Variants in UGT1A8 observed in about 807,000 individuals in gnomAD.
The protein encoded by UGT1A8 is UDP-glucuronosyltransferase 1A8.
Under a neutral mutation model 45.3 loss-of-function variants are expected in UGT1A8, and 39 were observed. That is an observed-to-expected ratio of 0.86 (90% CI 0.67 to 1.12). UGT1A8 has a LOEUF of 1.12. Ranked by LOEUF, UGT1A8 falls within the 50% of genes most tolerant of loss-of-function variation. The pLI, the probability that UGT1A8 is intolerant of heterozygous loss-of-function variation, is 0.00. For synonymous variants in UGT1A8, 275 were observed against 249.2 expected (o/e 1.10, Z -0.97); for missense variants, 719 against 664.9 (o/e 1.08, Z -0.90).
chr2:233,706,094 T>TAA lies in UGT1A8; in HGVS notation c.856-60932_856-60931dup, dbSNP rs141668784. On this transcript the variant is annotated intron_variant, in intron 1 of 4. Coordinates refer to ENST00000373450, the MANE Select transcript of UGT1A8 (RefSeq NM_019076.5). ...TGGGTGACAGAGCTAGATTCTGTCT[T>TAA]AAAAAAAAACCAAGAATTTCAGGAC... 1.5e-3 allele frequency among the ~76,000 whole-genome samples: 224 copies of TAA among 151,442 alleles called. 7 individuals carry two copies. The East Asian group carries it at 0.032, about 21-fold the overall frequency.
rs1394358402 is a variant in UGT1A8 at position 233,747,887 on chromosome 2, T to C, written c.856-19147T>C. The C allele has an allele frequency of 1.2e-5, 19 of 1,613,492 alleles. No homozygotes were observed. The South Asian group carries it at 2.0e-4, about 17-fold the overall frequency. ...CTCTGGCCCTGTCCTACCTTTGCCA[T>C]GCTCTTTCTGCTCCTTATGCAAGCC... On this transcript the variant is annotated intron_variant, in intron 1 of 4. Transcript: ENST00000373450.
chr2:233,637,667 C>G (rs181922328), intron 1 of UGT1A8, among the ~76,000 whole-genome samples: 1 of 152,024 alleles, frequency 6.6e-6, no homozygotes. Flanking sequence ...ATGAAACTTC[C>G]GTTTTTTGTT....
intron 1 of UGT1A8, among the ~76,000 whole-genome samples, chr2:233,763,888 CT>C (rs1451970704): frequency 2.0e-5 from 3 of 152,126 alleles, no homozygotes; most frequent in Non-Finnish European, 1.5e-5. Flanking sequence ...AGAAAAATAA[CT>C]AAACAGAAGA....
intron 1 of UGT1A8, among the ~76,000 whole-genome samples, chr2:233,724,775 C>T (rs2077310067): frequency 7.0e-6 from 1 of 142,494 alleles, no homozygotes; most frequent in Non-Finnish European, 1.5e-5. Context: ...GGCAGAGACA[C>T]TCCTCACTTC....
At chr2:233,763,011 T>G (rs1346748254) in intron 1 of UGT1A8, among the ~76,000 whole-genome samples, 2 of 152,248 alleles carry the variant, frequency 1.3e-5, no homozygotes, top group Non-Finnish European at 2.9e-5. Flanking sequence ...TTTCATTATT[T>G]TGCATTATGT....
rs28899178 is a variant in UGT1A8, at chr2:233,702,144, C to G, written c.856-64890C>G. Among the ~76,000 whole-genome samples the G allele has an allele frequency of 8.7e-3, 1,324 of 152,238 alleles. 29 individuals carry two copies. Among genetic ancestry groups the G allele is most frequent in the African/African-American group, 0.03 (1,235 of 41,546 alleles). On this transcript the variant is annotated intron_variant, in intron 1 of 4. Transcript: ENST00000373450. ...ACATTTTCAGTCACTCCCAAAGATACCTTATATCTATTATCAGTCACTCTT... is the reference window on the plus strand; with the variant it reads ...ACATTTTCAGTCACTCCCAAAGATAGCTTATATCTATTATCAGTCACTCTT...
At chr2:233,729,900 A>G in intron 1 of UGT1A8, 1 of 1,613,884 alleles carries the variant, frequency 6.2e-7, no homozygotes, top group Non-Finnish European at 8.5e-7. Flanking sequence ...GGCTGTTCCG[A>G]GGGGACTTTG....
intron 1 of UGT1A8, among the ~76,000 whole-genome samples, chr2:233,639,723 G>A (rs1221767619): frequency 6.6e-6 from 1 of 152,182 alleles, no homozygotes; most frequent in Non-Finnish European, 1.5e-5. Flanking sequence ...AGCCAGGGAT[G>A]TAATTAAATA....
intron 1 of UGT1A8, among the ~76,000 whole-genome samples, chr2:233,720,305 G>A (rs1333507011): frequency 1.3e-5 from 2 of 152,288 alleles, no homozygotes; most frequent in African/African-American, 2.4e-5. Context: ...TGGGGGTCTG[G>A]TGTATGATGT....
intron 1 of UGT1A8, among the ~76,000 whole-genome samples, chr2:233,689,465 C>G (rs2074945265): frequency 6.6e-6 from 1 of 152,154 alleles, no homozygotes; most frequent in African/African-American, 2.4e-5. Context: ...TTTAGGAAAA[C>G]AGAAGTTACA....
chr2:233,739,265 T>C (rs749101347), intron 1 of UGT1A8, among the ~76,000 whole-genome samples: 1 of 152,088 alleles, frequency 6.6e-6, no homozygotes, highest in Non-Finnish European at 1.5e-5. Flanking sequence ...AAATGTGAGG[T>C]TGGAGCCCCC....
At chr2:233,766,971 A>G (rs769177470) in intron 1 of UGT1A8, 63 bp from the exon 2 acceptor site, 76 of 1,610,288 alleles carry the variant, frequency 4.7e-5, no homozygotes, top group Non-Finnish European at 6.1e-5. Flanking sequence ...TTCATAACTT[A>G]CTGTATGTAG....
At chr2:233,712,295 G>A (rs1199448507) in intron 1 of UGT1A8, among the ~76,000 whole-genome samples, 2 of 152,246 alleles carry the variant, frequency 1.3e-5, no homozygotes, top group Non-Finnish European at 2.9e-5. Flanking sequence ...CTTCCATGGT[G>A]TAGATGGAGA....
At chr2:233,752,177 T>C (rs1381514307) in intron 1 of UGT1A8, among the ~76,000 whole-genome samples, 5 of 152,176 alleles carry the variant, frequency 3.3e-5, no homozygotes, top group Non-Finnish European at 7.3e-5. Context: ...TGATGTAAGC[T>C]GAATTAAAAT....
intron 1 of UGT1A8, chr2:233,743,938 A>G (rs754327674): frequency 7.4e-7 from 1 of 1,356,050 alleles, no homozygotes; most frequent in African/African-American, 1.5e-5. Context: ...AGAACGGCCC[A>G]CCAGGCACTG....
chr2:233,700,921 G>C (rs557819327), intron 1 of UGT1A8, among the ~76,000 whole-genome samples: 1 of 151,366 alleles, frequency 6.6e-6, no homozygotes, highest in South Asian at 2.1e-4. Context: ...CTCTTCCTGT[G>C]TCTGTGTGTG....
chr2:233,704,913 C>T (rs575509473), intron 1 of UGT1A8, among the ~76,000 whole-genome samples: 23 of 152,088 alleles, frequency 1.5e-4, no homozygotes, highest in Non-Finnish European at 2.9e-4. Flanking sequence ...GCAGGTGGAT[C>T]ACCTGAGACC....
chr2:233,728,535 G>C (rs1446157301), intron 1 of UGT1A8, among the ~76,000 whole-genome samples: 3 of 152,190 alleles, frequency 2.0e-5, no homozygotes, highest in Admixed American at 6.5e-5. Context: ...CCACTTCAGA[G>C]AGAGTCCTCT....
chr2:233,734,229 A>T (rs907561316), intron 1 of UGT1A8, among the ~76,000 whole-genome samples: 6 of 152,114 alleles, frequency 3.9e-5, no homozygotes, highest in African/African-American at 1.2e-4. Context: ...TCAGAGATTC[A>T]ACTTCTTCCT....
Sources: allele counts gnomAD v4.1 joint callset (sites outside exome capture counted in the v4.1 genomes callset), GRCh38; gene constraint gnomAD v4.1.1; transcripts MANE v1.5; gene names NCBI Gene and HGNC (gene_info 2026-07-23, HGNC 2026-07-21).